MEI4: variants seen among roughly 807,000 people sequenced by gnomAD.
The protein encoded by MEI4 is meiosis-specific protein MEI4.
In MEI4, 27 loss-of-function variants were observed where a neutral mutation model predicts 31.4. That is an observed-to-expected ratio of 0.86 (90% CI 0.63 to 1.19). MEI4 has a LOEUF of 1.19. Ranked by LOEUF, MEI4 falls within the 50% of genes most tolerant of loss-of-function variation. The pLI, the probability that MEI4 is intolerant of heterozygous loss-of-function variation, is 0.00. For synonymous variants in MEI4, 122 were observed against 145.4 expected (o/e 0.84, Z 1.16); for missense variants, 329 against 398.9 (o/e 0.82, Z 1.49).
intron 2 of MEI4, among the ~76,000 whole-genome samples, chr6:77,697,913 A>G (rs1213313039): frequency 6.6e-6 from 1 of 152,160 alleles, no homozygotes; most frequent in East Asian, 1.9e-4. Flanking sequence ...GTCTCTTTGT[A>G]GGTCACTCAG....
chr6:77,825,325 AAGCTGGTCATAAAT>A (rs1433995875), intron 3 of MEI4, among the ~76,000 whole-genome samples: 27 of 152,188 alleles, frequency 1.8e-4, no homozygotes, highest in African/African-American at 6.0e-4. Context: ...TGCCTTTGAG[AAGCTGGTCATAAAT>A]AGGCACAATT....
intron 4 of MEI4, among the ~76,000 whole-genome samples, chr6:77,922,470 C>A (rs1015542579): frequency 6.6e-6 from 1 of 151,608 alleles, no homozygotes; most frequent in Non-Finnish European, 1.5e-5. Context: ...TTCTGCCATT[C>A]TCTCATTTTA....
At chr6:77,910,819 TG>T (rs1762472997) in intron 4 of MEI4, among the ~76,000 whole-genome samples, 1 of 152,106 alleles carries the variant, frequency 6.6e-6, no homozygotes, top group African/African-American at 2.4e-5. Context: ...TTCTATTTTT[TG>T]TTTTTTTGAG....
intron 4 of MEI4, among the ~76,000 whole-genome samples, chr6:77,841,331 A>ATC (rs1562008564): frequency 2.8e-5 from 1 of 35,478 alleles, no homozygotes; most frequent in Non-Finnish European, 4.4e-5. Flanking sequence ...ATATATATAT[A>ATC]TATTTTTTTT....
At chr6:77,741,415 C>T (rs56773365) in intron 2 of MEI4, among the ~76,000 whole-genome samples, 2 of 151,932 alleles carry the variant, frequency 1.3e-5, no homozygotes, top group African/African-American at 4.8e-5. Context: ...TAGAGGAGAA[C>T]AGAACCAGAA....
At chr6:77,839,995 C>T (rs952168164) in intron 4 of MEI4, among the ~76,000 whole-genome samples, 6 of 152,182 alleles carry the variant, frequency 3.9e-5, no homozygotes, top group Non-Finnish European at 7.4e-5. Flanking sequence ...AGGACTTTAA[C>T]GCAAGTATTA....
intron 1 of MEI4, among the ~76,000 whole-genome samples, chr6:77,665,254 G>T (rs117130182): frequency 6.6e-6 from 1 of 151,380 alleles, no homozygotes; most frequent in Non-Finnish European, 1.5e-5. Context: ...TATGAGGTAG[G>T]GGTGCGGAAA....
intron 4 of MEI4, among the ~76,000 whole-genome samples, chr6:77,919,818 T>C (rs1471838023): frequency 6.7e-6 from 1 of 148,500 alleles, no homozygotes; most frequent in East Asian, 2.0e-4. Flanking sequence ...AAAGGGGATA[T>C]CACCACCGAT....
At position 77,899,048 on chromosome 6, in the gene MEI4, T is replaced by G. The variant is rs141064011; in HGVS notation, c.901-24041T>G. Among the ~76,000 whole-genome samples the G allele has an allele frequency of 2.7e-4, 41 of 152,052 alleles. No homozygotes were observed. The East Asian group carries it at 7.8e-3, about 29-fold the overall frequency. ...ACGACTCTTTCTATTAATCCATGGG[T>G]GTCCCTCATTCTCAAGCTTACAAAG... is the stretch of plus-strand genomic sequence containing the variant. On this transcript the variant is annotated intron_variant, in intron 4 of 4. Transcript: ENST00000684080.
chr6:77,872,020 T>A lies in MEI4; in HGVS notation c.900+42958T>A, dbSNP rs117465459. Among the ~76,000 whole-genome samples the A allele has an allele frequency of 7.7e-3, 1,175 of 152,318 alleles. 3 individuals carry two copies. The highest frequency in any genetic ancestry group is 0.012 in the Non-Finnish European group (788 of 68,022). On this transcript the variant is annotated intron_variant, in intron 4 of 4. Transcript: ENST00000684080. ...GATTTTATCTAAATTTCCCCAAGAC[T>A]CCAAGTTTGCTTGGATCATTTTGAT...
rs148000447 is a variant in MEI4 at position 77,814,195 on chromosome 6, C to G, written c.769-14736C>G. Among the ~76,000 whole-genome samples the G allele has an allele frequency of 1.4e-3, 213 of 152,128 alleles. 1 individual carries two copies. The highest frequency in any genetic ancestry group is 4.5e-3 in the African/African-American group (187 of 41,520). On this transcript the variant is annotated intron_variant, in intron 3 of 4. Coordinates refer to ENST00000684080, the MANE Select transcript of MEI4 (RefSeq NM_001322247.2). ...GTTAGGAGATTTTGATATAGGGTTT[C>G]GGCTTATGCTGCATGACTCTCAGCA...
chr6:77,904,313 T>A (rs1206457042), intron 4 of MEI4, among the ~76,000 whole-genome samples: 2 of 151,950 alleles, frequency 1.3e-5, no homozygotes, highest in African/African-American at 2.4e-5. Context: ...TCTTTCCAAC[T>A]TTTTTTTGTT....
intron 3 of MEI4, among the ~76,000 whole-genome samples, chr6:77,783,192 T>G (rs1237445291): frequency 1.3e-5 from 2 of 152,132 alleles, no homozygotes; most frequent in Non-Finnish European, 2.9e-5. Context: ...TCCAATGACT[T>G]TAGGTTTATC....
At chr6:77,742,733 C>T (rs995195539) in intron 2 of MEI4, among the ~76,000 whole-genome samples, 1 of 152,076 alleles carries the variant, frequency 6.6e-6, no homozygotes, top group Non-Finnish European at 1.5e-5. Flanking sequence ...AGGTTTTCTT[C>T]TAGGGTTTTT....
intron 3 of MEI4, among the ~76,000 whole-genome samples, chr6:77,826,929 G>A (rs1769966011): frequency 6.6e-6 from 1 of 152,066 alleles, no homozygotes; most frequent in South Asian, 2.1e-4. Flanking sequence ...CATATTTCAA[G>A]ACTAATGTGG....
intron 4 of MEI4, among the ~76,000 whole-genome samples, chr6:77,890,831 T>C (rs991343503): frequency 6.6e-6 from 1 of 152,154 alleles, no homozygotes; most frequent in Non-Finnish European, 1.5e-5. Flanking sequence ...CAAGATCTGA[T>C]GGCTTTATAA....
intron 3 of MEI4, among the ~76,000 whole-genome samples, chr6:77,792,262 G>A (rs1768956823): frequency 6.6e-6 from 1 of 152,100 alleles, no homozygotes; most frequent in Non-Finnish European, 1.5e-5. Context: ...AGGAACATGG[G>A]AGAATATATG....
chr6:77,683,900 GAAGT>G (rs1414174381), intron 1 of MEI4, among the ~76,000 whole-genome samples: 2 of 152,140 alleles, frequency 1.3e-5, no homozygotes, highest in African/African-American at 2.4e-5. Flanking sequence ...TGTATACACA[GAAGT>G]AAGATTGCTG....
rs534929452 is a variant in MEI4, at chr6:77,678,110, G to A, written c.-14-12548G>A. ...GCCAAGGCTAGTTCTTATTGCTTGA[G>A]TATTCCATTTATCAGATGAAATAGA... On this transcript the variant is annotated intron_variant, in intron 1 of 4. Coordinates refer to ENST00000684080, the MANE Select transcript of MEI4 (RefSeq NM_001322247.2). Among the ~76,000 whole-genome samples the A allele has an allele frequency of 7.2e-5, 11 of 152,186 alleles. No homozygotes were observed. In the South Asian group the frequency reaches 2.3e-3, roughly 32 times the overall value.
Sources: allele counts gnomAD v4.1 joint callset (sites outside exome capture counted in the v4.1 genomes callset), GRCh38; gene constraint gnomAD v4.1.1; transcripts MANE v1.5; gene names NCBI Gene and HGNC (gene_info 2026-07-23, HGNC 2026-07-21).